The following MYT1L variants were observed in gnomAD, a reference collection of about 807,000 sequenced individuals.
MYT1L encodes the protein myelin transcription factor 1-like protein.
A neutral mutation model predicts 126.7 loss-of-function variants in MYT1L; 12 were observed. That is an observed-to-expected ratio of 0.09 (90% CI 0.06 to 0.15). MYT1L has a LOEUF of 0.15. MYT1L is among the 10% of genes least tolerant of loss of function. MYT1L has a pLI of 1.00. For synonymous variants in MYT1L, 541 were observed against 604.2 expected (o/e 0.90, Z 1.53); for missense variants, 979 against 1,585.2 (o/e 0.62, Z 6.49).
intron 14 of MYT1L, among the ~76,000 whole-genome samples, chr2:1,897,070 T>C (rs184229952): frequency 6.6e-6 from 1 of 152,342 alleles, no homozygotes; most frequent in African/African-American, 2.4e-5. Context: ...ATCAACTCAC[T>C]GCACTCAAAT....
At chr2:1,992,928 G>A (rs2061552710) in intron 5 of MYT1L, among the ~76,000 whole-genome samples, 1 of 152,154 alleles carries the variant, frequency 6.6e-6, no homozygotes, top group Non-Finnish European at 1.5e-5. Flanking sequence ...TGGATCAGCT[G>A]GCACCACCCG....
chr2:2,028,332 A>G (rs1047234131), intron 4 of MYT1L, among the ~76,000 whole-genome samples: 10 of 152,198 alleles, frequency 6.6e-5, no homozygotes, highest in African/African-American at 9.6e-5. Context: ...GTTCATGCCC[A>G]GGGACCTCTT....
At position 1,850,039 on chromosome 2, in the gene MYT1L, G is replaced by GT. The variant is rs1045769707; in HGVS notation, c.2774+1601_2774+1602insA. On this transcript the variant is annotated intron_variant, in intron 19 of 24. Coordinates refer to ENST00000647738, the MANE Select transcript of MYT1L (RefSeq NM_001303052.2). ...TCTAGGGGGCGGGGTGGTGAGGGGGGGGCCATTATCCACTGCTGACAGTGT... is the reference window on the plus strand; with the variant it reads ...TCTAGGGGGCGGGGTGGTGAGGGGGGTGGCCATTATCCACTGCTGACAGTGT... Among the ~76,000 whole-genome samples the GT allele has an allele frequency of 2.0e-5, 3 of 150,536 alleles. No homozygotes were observed. In the East Asian group the frequency reaches 5.9e-4, roughly 30 times the overall value.
At chr2:2,006,430 A>C (rs1163991811) in intron 4 of MYT1L, among the ~76,000 whole-genome samples, 1 of 152,158 alleles carries the variant, frequency 6.6e-6, no homozygotes, top group Admixed American at 6.5e-5. Context: ...AATTTTATTA[A>C]CTTTAGTTTT....
At position 2,140,026 on chromosome 2, in the gene MYT1L, A is replaced by G. The variant is rs116320065; in HGVS notation, c.-304+32846T>C. Among the ~76,000 whole-genome samples, 602 of 152,330 alleles carry G rather than the reference A, an allele frequency of 4.0e-3. 3 individuals are homozygous for G. Among genetic ancestry groups the G allele is most frequent in the African/African-American group, 0.014 (580 of 41,578 alleles). ...TGATATATCACATAAACTAAATTAG[A>G]AAGAGATTTCTCACAGCAGAAATAA... On this transcript the variant is annotated intron_variant, in intron 3 of 24. Transcript: ENST00000647738.
At chr2:2,003,396 A>T (rs1015633448) in intron 4 of MYT1L, among the ~76,000 whole-genome samples, 2 of 152,120 alleles carry the variant, frequency 1.3e-5, no homozygotes, top group African/African-American at 4.8e-5. Flanking sequence ...CCAGGCCCCC[A>T]GTCCAGGTTT....
chr2:1,907,117 AT>A lies in MYT1L; in HGVS notation c.1817+3122del, dbSNP rs200036420. Reference sequence around the variant, plus strand: ...ACAGAGTGAGACCCTGTCTCTAAAAATTTTTTTTTTAATTAAAAAAAAAAAA... The same window carrying A: ...ACAGAGTGAGACCCTGTCTCTAAAAATTTTTTTTTAATTAAAAAAAAAAAA... On this transcript the variant is annotated intron_variant, in intron 13 of 24. Transcript: ENST00000647738. 1.8e-3 allele frequency among the ~76,000 whole-genome samples: 266 copies of A among 146,662 alleles called. 2 individuals are homozygous for A. The highest frequency in any genetic ancestry group is 2.3e-3 in the Non-Finnish European group (155 of 66,460).
intron 3 of MYT1L, among the ~76,000 whole-genome samples, chr2:2,104,862 T>C (rs185872667): frequency 6.6e-6 from 1 of 152,318 alleles, no homozygotes; most frequent in Non-Finnish European, 1.5e-5. Context: ...ACTCCTGTTC[T>C]CATCCGAAGT....
At chr2:2,087,687 A>T (rs1181221022) in intron 3 of MYT1L, among the ~76,000 whole-genome samples, 3 of 152,260 alleles carry the variant, frequency 2.0e-5, no homozygotes, top group African/African-American at 7.2e-5. Flanking sequence ...CCTGTCCATG[A>T]ACTGAATGTA....
chr2:2,010,895 G>C (rs1311187230), intron 4 of MYT1L, among the ~76,000 whole-genome samples: 1 of 152,170 alleles, frequency 6.6e-6, no homozygotes, highest in Non-Finnish European at 1.5e-5. Context: ...CTTCACAGGG[G>C]TGCCGGGGCT....
chr2:2,113,700 A>C (rs1348744851), intron 3 of MYT1L, among the ~76,000 whole-genome samples: 16 of 152,206 alleles, frequency 1.1e-4, no homozygotes, highest in Admixed American at 1.0e-3. Flanking sequence ...AACCTTCAAA[A>C]AGTTATGAAA....
intron 3 of MYT1L, among the ~76,000 whole-genome samples, chr2:2,150,337 T>A (rs1234527996): frequency 6.6e-6 from 1 of 152,252 alleles, no homozygotes; most frequent in African/African-American, 2.4e-5. Flanking sequence ...ATGTTTCATC[T>A]TGATTTTTTG....
chr2:1,998,825 A>G (rs2062102557), intron 4 of MYT1L, among the ~76,000 whole-genome samples: 1 of 152,110 alleles, frequency 6.6e-6, no homozygotes, highest in Non-Finnish European at 1.5e-5. Flanking sequence ...GAGCCCACAC[A>G]ATTCCTACCC....
intron 3 of MYT1L, among the ~76,000 whole-genome samples, chr2:2,074,148 T>A (rs1298467304): frequency 6.6e-6 from 1 of 152,252 alleles, no homozygotes; most frequent in Non-Finnish European, 1.5e-5. Flanking sequence ...TGTGGTTTAT[T>A]AGAAAACTTT....
chr2:2,309,561 A>G (rs1409381982), intron 1 of MYT1L, among the ~76,000 whole-genome samples: 2 of 151,536 alleles, frequency 1.3e-5, no homozygotes, highest in African/African-American at 4.9e-5. Flanking sequence ...TACTCTACCC[A>G]CACTTCAGTA....
chr2:1,913,108 T>C (rs2052299423), intron 11 of MYT1L, among the ~76,000 whole-genome samples: 2 of 152,218 alleles, frequency 1.3e-5, no homozygotes. Context: ...AGTTATGTAA[T>C]TGTATTTTTG....
chr2:2,170,885 T>C (rs1272012444), intron 3 of MYT1L, among the ~76,000 whole-genome samples: 1 of 152,182 alleles, frequency 6.6e-6, no homozygotes, highest in African/African-American at 2.4e-5. Context: ...GAGAAATGAT[T>C]GGTGAGGACT....
At chr2:2,302,471 G>C (rs2095799727) in intron 1 of MYT1L, among the ~76,000 whole-genome samples, 1 of 152,172 alleles carries the variant, frequency 6.6e-6, no homozygotes, top group Non-Finnish European at 1.5e-5. Context: ...GTGAGGAGGA[G>C]GGGTTGCTAT....
chr2:2,267,088 C>A (rs921117762), intron 2 of MYT1L, among the ~76,000 whole-genome samples: 22 of 152,266 alleles, frequency 1.4e-4, no homozygotes, highest in African/African-American at 5.3e-4. Flanking sequence ...GGAAACTGAG[C>A]CAGGAGGCGA....
Sources: allele counts gnomAD v4.1 joint callset (sites outside exome capture counted in the v4.1 genomes callset), GRCh38; gene constraint gnomAD v4.1.1; transcripts MANE v1.5; gene names NCBI Gene and HGNC (gene_info 2026-07-23, HGNC 2026-07-21).